The following CNBP variants were observed in gnomAD, a reference collection of about 807,000 sequenced individuals.
CNBP encodes the protein CCHC-type zinc finger nucleic acid binding protein.
CNBP carries 6 observed loss-of-function variants against 21.2 expected under a neutral mutation model. That is an observed-to-expected ratio of 0.28 (90% confidence interval 0.16 to 0.56). CNBP has a LOEUF of 0.56. Among genes scored for constraint, CNBP ranks in the 20% least tolerant of loss-of-function variants. The pLI, the probability that CNBP is intolerant of heterozygous loss-of-function variation, is 0.93. For synonymous variants in CNBP, 61 were observed against 74.9 expected, an observed-to-expected ratio of 0.81 and a Z score of 0.96; for missense variants, 112 against 233.1, an observed-to-expected ratio of 0.48 and a Z score of 3.38.
At chr3:129,175,532 C>T (rs1012526840) in intron 1 of CNBP, among the ~76,000 whole-genome samples, 3 of 149,578 alleles carry the variant, frequency 2.0e-5, no homozygotes, top group South Asian at 2.1e-4. Flanking sequence ...TGGGTTCAAG[C>T]GATTCCCCTG....
chr3:129,172,029 G>T (rs780385672), intron 1 of CNBP, among the ~76,000 whole-genome samples: 1 of 151,906 alleles, frequency 6.6e-6, no homozygotes, highest in African/African-American at 2.4e-5. Context: ...AAATTAGCCC[G>T]GTGAAGTGGC....
intron 1 of CNBP, among the ~76,000 whole-genome samples, chr3:129,180,978 G>A (rs1938246811): frequency 6.6e-6 from 1 of 151,956 alleles, no homozygotes; most frequent in Admixed American, 6.6e-5. Context: ...GGTGGCTCAG[G>A]CCTGTAATCC....
intron 1 of CNBP, among the ~76,000 whole-genome samples, chr3:129,174,157 A>G (rs1446540065): frequency 6.6e-6 from 1 of 152,130 alleles, no homozygotes; most frequent in Non-Finnish European, 1.5e-5. Context: ...TTATATGGCT[A>G]TGAGTTACTG....
At chr3:129,175,989 G>C (rs745572016) in intron 1 of CNBP, among the ~76,000 whole-genome samples, 33 of 152,102 alleles carry the variant, frequency 2.2e-4, no homozygotes, top group Admixed American at 2.6e-4. Flanking sequence ...TGATAGACTT[G>C]TCTCTTTAAT....
At chr3:129,180,013 A>T (rs1938184776) in intron 1 of CNBP, among the ~76,000 whole-genome samples, 2 of 152,220 alleles carry the variant, frequency 1.3e-5, no homozygotes, top group African/African-American at 2.4e-5. Context: ...CTCCAAAAAA[A>T]AAAGAAAAGG....
intron 1 of CNBP, among the ~76,000 whole-genome samples, chr3:129,172,519 T>C (rs1937593938): frequency 6.6e-6 from 1 of 150,934 alleles, no homozygotes; most frequent in African/African-American, 2.4e-5. Flanking sequence ...GGGGTGGAGG[T>C]TGCAGTGAGC....
In CNBP at chr3:129,167,965, G is replaced by C. The variant is rs1271653671; in HGVS notation, c.*2488C>G. Reference sequence around the variant, plus strand: ...TTACCTCTTTTTCTTGCTTGCTCAGGACTATTAATTTGACAAGGTTGGAAT... The same window carrying C: ...TTACCTCTTTTTCTTGCTTGCTCAGCACTATTAATTTGACAAGGTTGGAAT... On this transcript the variant is annotated 3_prime_UTR_variant, in exon 5 of 5. Coordinates refer to ENST00000422453, the MANE Select transcript of CNBP (RefSeq NM_003418.5). 6.6e-6 allele frequency among the ~76,000 whole-genome samples: 1 copy of C among 152,110 alleles called. No homozygotes were observed. The highest frequency in any genetic ancestry group is 2.4e-5 in the African/African-American group (1 of 41,408).
At position 129,179,899 on chromosome 3, in the gene CNBP, A is replaced by G. The variant is rs144861704; in HGVS notation, c.-15+3877T>C. ...CACACGCCTATAGTCCCAGCTACTC[A>G]GGAGGCTGAGGCAGGAGAATGGCTT... On this transcript the variant is annotated intron_variant, in intron 1 of 4. Transcript: ENST00000422453. Among the ~76,000 whole-genome samples the G allele has an allele frequency of 7.5e-3, 1,147 of 152,170 alleles. 13 individuals are homozygous for G. Among genetic ancestry groups the G allele is most frequent in the South Asian group, 0.013 (62 of 4,824 alleles).
At chr3:129,172,607 G>C (rs1024375020) in intron 1 of CNBP, among the ~76,000 whole-genome samples, 9 of 29,036 alleles carry the variant, frequency 3.1e-4, no homozygotes, top group African/African-American at 6.8e-4. Context: ...CAGGCAGGCA[G>C]ACAGGCAGAC....
chr3:129,178,749 A>AT (rs538954518), intron 1 of CNBP, among the ~76,000 whole-genome samples: 11,340 of 144,680 alleles, frequency 0.078, 653 homozygotes, highest in African/African-American at 0.16. Context: ...AACACTTCAG[A>AT]TTTTTTTTTT....
intron 1 of CNBP, among the ~76,000 whole-genome samples, chr3:129,174,059 ACT>A (rs1937716850): frequency 6.6e-6 from 1 of 151,952 alleles, no homozygotes; most frequent in Non-Finnish European, 1.5e-5. Flanking sequence ...ACTTACCCCA[ACT>A]CTGTGTAATC....
At chr3:129,180,435 T>C (rs1938215808) in intron 1 of CNBP, among the ~76,000 whole-genome samples, 1 of 152,248 alleles carries the variant, frequency 6.6e-6, no homozygotes, top group South Asian at 2.1e-4. Context: ...CTCATTTGTA[T>C]TTATGGAGCC....
chr3:129,181,065 C>T (rs1198545927), intron 1 of CNBP, among the ~76,000 whole-genome samples: 1 of 150,792 alleles, frequency 6.6e-6, no homozygotes, highest in Non-Finnish European at 1.5e-5. Context: ...CATGGTGAAA[C>T]CCCGTCTCTA....
chr3:129,174,965 G>A (rs1454330827), intron 1 of CNBP, among the ~76,000 whole-genome samples: 1 of 152,090 alleles, frequency 6.6e-6, no homozygotes, highest in Non-Finnish European at 1.5e-5. Flanking sequence ...GGGACGCCAA[G>A]GCAGGAGGAT....
In CNBP at chr3:129,170,297, T is replaced by C. The variant is rs1439334143; in HGVS notation, c.*156A>G. ...TTTTTTTGTAGTTAAATGCAGAAAG[T>C]CGGTTTTTTTCCACCCCTTTCCTCC... On this transcript the variant is annotated 3_prime_UTR_variant, in exon 5 of 5. Coordinates refer to ENST00000422453, the MANE Select transcript of CNBP (RefSeq NM_003418.5). 3.1e-6 allele frequency: 2 copies of C among 647,838 alleles called. No homozygotes were observed. The highest frequency in any genetic ancestry group is 3.6e-5 in the African/African-American group (2 of 54,926). 40.1% of individuals were successfully genotyped at this position (647,838 alleles called of 1,614,324 possible). A position where few individuals can be genotyped will look rare whatever the true frequency, so the allele number is the denominator to read the frequency against.
intron 1 of CNBP, 58 bp from the exon 2 acceptor site, chr3:129,171,829 C>A: frequency 6.5e-7 from 1 of 1,535,148 alleles, no homozygotes; most frequent in South Asian, 1.2e-5. Flanking sequence ...AACTTTTATT[C>A]TCTATTAAAT....
chr3:129,170,674 C>G (rs1937551666), intron 4 of CNBP, 104 bp from the exon 5 acceptor site: 1 of 841,000 alleles, frequency 1.2e-6, no homozygotes. Context: ...TGTTTTCATG[C>G]AATTAACCCC....
Position 129,171,624 on chromosome 3 carries a change from G to C in CNBP, c.124+10C>G. 6.2e-7 allele frequency: 1 copy of C among 1,614,060 alleles called. No homozygotes were observed. Among genetic ancestry groups the C allele is most frequent in the South Asian group, 1.1e-5 (1 of 91,058 alleles). ...TGAAGTACTTCAAATTTTTCTATTC[G>C]ACAAAATACCTCTATCCGAGGTAAA... is the stretch of plus-strand genomic sequence containing the variant. On this transcript the variant is annotated intron_variant, in intron 2 of 4. Coordinates refer to ENST00000422453, the MANE Select transcript of CNBP (RefSeq NM_003418.5).
intron 1 of CNBP, among the ~76,000 whole-genome samples, chr3:129,171,999 G>A (rs1395123485): frequency 2.0e-5 from 3 of 151,978 alleles, no homozygotes; most frequent in African/African-American, 4.8e-5. Context: ...GTGAAACCCC[G>A]TCTCTACGAA....
Sources: gnomAD v4.1 joint callset for allele counts (sites outside exome capture counted in the v4.1 genomes callset) on GRCh38, gnomAD v4.1.1 for gene constraint, MANE v1.5 for transcripts, NCBI Gene and HGNC (gene_info 2026-07-23, HGNC 2026-07-21) for gene names.